Variants in BPTF observed in about 807,000 individuals in gnomAD.
BPTF encodes the protein bromodomain PHD finger transcription factor.
BPTF carries 18 observed loss-of-function variants against 292.5 expected under a neutral mutation model. The observed-to-expected ratio is 0.06, with a 90% CI of 0.04 to 0.09. The LOEUF (loss-of-function observed/expected upper bound fraction) is 0.09, where lower values mean the gene tolerates loss of function less well. BPTF is among the 10% of genes least tolerant of loss of function. The pLI is 1.00. For missense variants in BPTF, 2,726 were observed against 3,498.7 expected, an observed-to-expected ratio of 0.78 and a Z score of 5.57; for synonymous variants, 1,225 against 1,251.9, an observed-to-expected ratio of 0.98 and a Z score of 0.45.
chr17:67,905,643 AG>A (rs2062132749), intron 9 of BPTF, among the ~76,000 whole-genome samples: 1 of 152,130 alleles, frequency 6.6e-6, no homozygotes, highest in Non-Finnish European at 1.5e-5. Context: ...CAGGAGTTTG[AG>A]GCTGCAGTAA....
intron 5 of BPTF, among the ~76,000 whole-genome samples, chr17:67,892,897 GA>G (rs1273553284): frequency 2.6e-5 from 4 of 152,146 alleles, no homozygotes; most frequent in Non-Finnish European, 5.9e-5. Flanking sequence ...TCAACTGTTT[GA>G]AAATACTATT....
intron 26 of BPTF, among the ~76,000 whole-genome samples, chr17:67,970,501 C>T (rs1221371422): frequency 1.3e-5 from 2 of 152,188 alleles, no homozygotes; most frequent in Admixed American, 6.5e-5. Context: ...ATCTCTAAAA[C>T]GTATTGTTGG....
chr17:67,980,966 T>G (rs2070277777), intron 27 of BPTF, among the ~76,000 whole-genome samples: 1 of 152,174 alleles, frequency 6.6e-6, no homozygotes, highest in Non-Finnish European at 1.5e-5. Flanking sequence ...GAGACCAGCC[T>G]GGGCAACATG....
chr17:67,894,013 C>T (rs771357346), intron 6 of BPTF, 21 bp from the exon 7 acceptor site: 2 of 1,607,022 alleles, frequency 1.2e-6, no homozygotes, highest in Middle Eastern at 1.7e-4. Flanking sequence ...AATAATTTCT[C>T]TCATTTCTTC....
At chr17:67,960,153 A>C in intron 24 of BPTF, 1 of 294,892 alleles carries the variant, frequency 3.4e-6, no homozygotes, top group Non-Finnish European at 6.3e-6. Context: ...CTCTGAATTA[A>C]CTCCAAATCA....
chr17:67,848,162 CTG>C (rs2058165125), intron 1 of BPTF, among the ~76,000 whole-genome samples: 1 of 135,808 alleles, frequency 7.4e-6, no homozygotes, highest in South Asian at 2.2e-4. Flanking sequence ...TCTGAAAACA[CTG>C]TAAATTCTTT....
Position 67,959,642 on chromosome 17 carries a change from T to TCCTGCAGCCCCTCCAGCC in BPTF, c.8031_8032insGCAGCCCCTCCAGCCCCT (p.Pro2677_Pro2678insAlaAlaProProAlaPro), listed in dbSNP as rs2067280733. On this transcript the variant is annotated inframe_insertion, in exon 24 of 28. Coordinates refer to ENST00000306378, the MANE Select transcript of BPTF (RefSeq NM_182641.4). ...CACCCTGCCCCCCAGTGACACCAGC[T>TCCTGCAGCCCCTCCAGCC]CCTCCAGCCCCTCCAGCCCCTCCAC... 113 of 1,539,550 alleles carry TCCTGCAGCCCCTCCAGCC rather than the reference T, an allele frequency of 7.3e-5. No homozygotes were observed. Among genetic ancestry groups the TCCTGCAGCCCCTCCAGCC allele is most frequent in the Non-Finnish European group, 9.6e-5 (110 of 1,142,752 alleles).
chr17:67,906,082 G>A (rs960685494), intron 9 of BPTF, among the ~76,000 whole-genome samples: 2 of 151,640 alleles, frequency 1.3e-5, no homozygotes, highest in Non-Finnish European at 2.9e-5. Context: ...TTGGGGGGAG[G>A]GGTTGTTTTT....
In BPTF at chr17:67,912,435, A is replaced by G. The variant is rs962811188; in HGVS notation, c.4551A>G (p.Thr1517=). 2 of 1,613,690 alleles carry G rather than the reference A, an allele frequency of 1.2e-6. No homozygotes were observed. Among genetic ancestry groups the G allele is most frequent in the African/African-American group, 2.7e-5 (2 of 74,858 alleles). The change falls in exon 11 of 28, where the codon ACA becomes ACG. Residue 1517 remains threonine (T), a synonymous_variant. Transcript: ENST00000306378. Reference sequence around the variant, plus strand: ...AGTCTGACAGTACACAGACGACCACACCCTCAGCATCTTGTCCAGAAAGCA... The same window carrying G: ...AGTCTGACAGTACACAGACGACCACGCCCTCAGCATCTTGTCCAGAAAGCA... The part of the protein sequence containing the change: ...TKESDSTQTT[T]PSASCPESNS...
At chr17:67,857,321 C>T (rs62084235) in intron 2 of BPTF, among the ~76,000 whole-genome samples, 30,744 of 151,186 alleles carry the variant, frequency 0.2, 3,925 homozygotes, top group East Asian at 0.66. Context: ...CCACCGTGCC[C>T]GGTTAATTTT....
chr17:67,889,913 G>A (rs2061000035), intron 4 of BPTF, among the ~76,000 whole-genome samples: 1 of 152,132 alleles, frequency 6.6e-6, no homozygotes, highest in Admixed American at 6.6e-5. Flanking sequence ...TTTCCAGCCT[G>A]GGGTGGCAAG....
chr17:67,942,731 A>T (rs1481636624), intron 19 of BPTF, among the ~76,000 whole-genome samples: 1 of 152,232 alleles, frequency 6.6e-6, no homozygotes, highest in Admixed American at 6.5e-5. Context: ...TCAGGTGTCT[A>T]TCAAAATCAG....
At chr17:67,893,205 T>C (rs1378295263) in intron 5 of BPTF, 165 bp from the exon 6 acceptor site, 1 of 615,734 alleles carries the variant, frequency 1.6e-6, no homozygotes, top group Non-Finnish European at 2.9e-6. Context: ...TTGTAAACAA[T>C]TAGCTTTACT....
chr17:67,884,069 A>G (rs2146018657), intron 4 of BPTF, among the ~76,000 whole-genome samples: 1 of 152,150 alleles, frequency 6.6e-6, no homozygotes, highest in Non-Finnish European at 1.5e-5. Flanking sequence ...TTCTTGCTAC[A>G]ATGCATGGTA....
At chr17:67,957,581 T>C (rs1343587539) in intron 23 of BPTF, among the ~76,000 whole-genome samples, 2 of 152,092 alleles carry the variant, frequency 1.3e-5, no homozygotes, top group African/African-American at 2.4e-5. Flanking sequence ...TTAAGAAATA[T>C]TCTTATGGCC....
chr17:67,881,755 C>T (rs2060421809), intron 4 of BPTF, among the ~76,000 whole-genome samples: 1 of 151,434 alleles, frequency 6.6e-6, no homozygotes, highest in Admixed American at 6.6e-5. Context: ...CCCACCTCGG[C>T]CTCCCAAAGT....
At chr17:67,897,341 CAAAAA>C (rs750678904) in intron 7 of BPTF, among the ~76,000 whole-genome samples, 632 of 17,620 alleles carry the variant, frequency 0.036, 5 homozygotes, top group African/African-American at 0.056. Flanking sequence ...AACTCTGTCT[CAAAAA>C]AAAAAAAAAA....
chr17:67,869,283 GA>G, intron 3 of BPTF, among the ~76,000 whole-genome samples: 1 of 151,682 alleles, frequency 6.6e-6, no homozygotes. Flanking sequence ...ATAAAAAATA[GA>G]AAAAACAAAA....
chr17:67,874,300 C>T (rs2059928673), intron 3 of BPTF, among the ~76,000 whole-genome samples: 4 of 152,124 alleles, frequency 2.6e-5, no homozygotes, highest in Admixed American at 2.6e-4. Context: ...TAAGGGACTT[C>T]AGAAAGAAAG....
Sources: allele counts gnomAD v4.1 joint callset (sites outside exome capture counted in the v4.1 genomes callset), GRCh38; gene constraint gnomAD v4.1.1; transcripts MANE v1.5; gene names NCBI Gene and HGNC (gene_info 2026-07-23, HGNC 2026-07-21).